The following TEX15 variants were observed in gnomAD, a reference collection of about 807,000 sequenced individuals.
TEX15 encodes testis expressed 15, meiosis and synapsis associated.
In TEX15, 171 loss-of-function variants were observed where a neutral mutation model predicts 237.3. The ratio of observed to expected loss-of-function variants is 0.72; its 90% CI spans 0.64 to 0.82. TEX15 has a LOEUF of 0.82. Ranked by LOEUF, TEX15 falls within the 40% of genes least tolerant of loss-of-function variation. The probability of loss-of-function intolerance (pLI) is 0.00; values close to 1 mark genes in which losing one functional copy is unlikely to be tolerated. For missense variants in TEX15, 3,750 were observed against 3,646.5 expected (o/e 1.03, Z -0.73); for synonymous variants, 1,338 against 1,269.8 (o/e 1.05, Z -1.14).
At position 30,843,782 on chromosome 8, in the gene TEX15, C is replaced by T; in HGVS notation, c.6385G>A (p.Gly2129Ser). 1.2e-6 allele frequency: 2 copies of T among 1,613,450 alleles called. No individual in the cohort carries two copies. Among genetic ancestry groups the T allele is most frequent in the South Asian group, 2.2e-5 (2 of 90,996 alleles). ...TTATATTTTAATCTTCCTTGGAAACCAGGATAGAAATTAGACTGCTGTTGA... is the reference window on the plus strand; with the variant it reads ...TTATATTTTAATCTTCCTTGGAAACTAGGATAGAAATTAGACTGCTGTTGA... ...GFQQQSNFYP[G>S]FQGRLKYNAF... Residue 2129 changes from glycine to serine, a missense_variant, in exon 8 of 11, where the codon GGT (glycine) becomes AGT (serine). By Grantham distance (56) the Gly-to-Ser change is moderately conservative (BLOSUM62 0). Coordinates refer to ENST00000643185, the MANE Select transcript of TEX15 (RefSeq NM_001350162.2).
At position 30,832,459 on chromosome 8, in the gene TEX15, C is replaced by T. The variant is rs1188810912; in HGVS notation, c.*827G>A. On this transcript the variant is annotated 3_prime_UTR_variant, in exon 11 of 11. Coordinates refer to ENST00000643185, the MANE Select transcript of TEX15 (RefSeq NM_001350162.2). The stretch of plus-strand genomic sequence containing the variant: ...GCAGTTACATACTATATCCTGTTGC[C>T]CTATGATGATTATTACTAAGAGAGT... 6.6e-6 allele frequency: 1 copy of T among 152,058 alleles called. No individual in the cohort carries two copies. The highest frequency in any genetic ancestry group is 1.9e-4 in the East Asian group (1 of 5,188). 9.4% of individuals were successfully genotyped at this position (152,058 alleles called of 1,614,324 possible). A position where few individuals can be genotyped will look rare whatever the true frequency, so the allele number is the denominator to read the frequency against.
intron 5 of TEX15, among the ~76,000 whole-genome samples, chr8:30,864,033 G>C (rs1808105605): frequency 6.6e-6 from 1 of 151,908 alleles, no homozygotes. Flanking sequence ...TAAAATAACT[G>C]TCTTAAAGAT....
intron 7 of TEX15, among the ~76,000 whole-genome samples, chr8:30,856,673 T>C (rs540861975): frequency 6.6e-6 from 1 of 152,080 alleles, no homozygotes; most frequent in South Asian, 2.1e-4. Flanking sequence ...TGACATACAA[T>C]AGAAAATAAA....
intron 3 of TEX15, among the ~76,000 whole-genome samples, chr8:30,885,243 C>G (rs1263813692): frequency 6.6e-6 from 1 of 152,088 alleles, no homozygotes; most frequent in Non-Finnish European, 1.5e-5. Flanking sequence ...CACCTTGTAT[C>G]TCCCATAATT....
At chr8:30,882,155 C>A (rs1400145642) in intron 3 of TEX15, among the ~76,000 whole-genome samples, 1 of 152,216 alleles carries the variant, frequency 6.6e-6, no homozygotes, top group Non-Finnish European at 1.5e-5. Context: ...TAAGGTCTCA[C>A]TATGTTTCCC....
intron 1 of TEX15, among the ~76,000 whole-genome samples, chr8:30,907,941 A>G (rs1321246456): frequency 1.3e-5 from 2 of 151,806 alleles, no homozygotes; most frequent in Non-Finnish European, 2.9e-5. Flanking sequence ...GAATTCTATA[A>G]AAGAATTCAT....
At chr8:30,889,956 T>C (rs960628268) in intron 2 of TEX15, among the ~76,000 whole-genome samples, 37 of 133,894 alleles carry the variant, frequency 2.8e-4, no homozygotes, top group African/African-American at 7.7e-4. Flanking sequence ...TATATATACA[T>C]ATATATATAT....
intron 1 of TEX15, among the ~76,000 whole-genome samples, chr8:30,910,903 G>A (rs1809202105): frequency 6.6e-6 from 1 of 151,900 alleles, no homozygotes; most frequent in Admixed American, 6.6e-5. Context: ...TTAATTAAAG[G>A]CCTTTAAGAA....
At position 30,837,701 on chromosome 8, in the gene TEX15, C is replaced by T; in HGVS notation, c.8583G>A (p.Gln2861=). 1.2e-6 allele frequency: 2 copies of T among 1,613,960 alleles called. No individual in the cohort carries two copies. The highest frequency in any genetic ancestry group is 1.7e-5 in the Admixed American group (1 of 59,976). ...GATCTGGGGAATTTTTAAGAAATTT[C>T]TGCAAAAGCGTCCCATGGTCTGGTG... ...TFSPDHGTLL[Q]KFLKNSPDPT... is the part of the protein sequence containing the mutation. The change falls in exon 10 of 11, where the codon CAG becomes CAA. Residue 2861 remains glutamine (Q), a synonymous_variant. Transcript: ENST00000643185.
intron 8 of TEX15, 63 bp downstream of exon 8, chr8:30,841,941 C>T: frequency 2.5e-6 from 3 of 1,210,022 alleles, no homozygotes; most frequent in African/African-American, 1.5e-5. Flanking sequence ...TACTTGTTTG[C>T]TTATGAGTAG....
chr8:30,894,262 AGTGAGCTATGACT>A (rs1808850665), intron 2 of TEX15, among the ~76,000 whole-genome samples: 1 of 152,164 alleles, frequency 6.6e-6, no homozygotes, highest in Admixed American at 6.5e-5. Flanking sequence ...TCAAAGCTGT[AGTGAGCTATGACT>A]GTACTCCAGC....
At chr8:30,863,400 A>C (rs1033918196) in intron 5 of TEX15, among the ~76,000 whole-genome samples, 6 of 152,226 alleles carry the variant, frequency 3.9e-5, no homozygotes, top group African/African-American at 1.2e-4. Flanking sequence ...GCAGCTGTAC[A>C]GTGTTCCTGG....
intron 1 of TEX15, among the ~76,000 whole-genome samples, chr8:30,912,380 A>AT (rs1250847030): frequency 7.0e-6 from 1 of 143,532 alleles, no homozygotes; most frequent in Non-Finnish European, 1.5e-5. Flanking sequence ...CACCACGAAG[A>AT]TCCCCACGCG....
chr8:30,864,466 A>G (rs1473480065), intron 5 of TEX15, among the ~76,000 whole-genome samples: 1 of 151,800 alleles, frequency 6.6e-6, no homozygotes, highest in Non-Finnish European at 1.5e-5. Context: ...TCTAAAAAAT[A>G]GGTAGGAGGA....
intron 1 of TEX15, among the ~76,000 whole-genome samples, chr8:30,906,597 A>G (rs966218333): frequency 6.0e-5 from 9 of 149,194 alleles, no homozygotes; most frequent in Non-Finnish European, 1.3e-4. Context: ...CTCAAAAGAA[A>G]AAAAAAAAAA....
In TEX15 at chr8:30,859,946, T is replaced by C. The variant is rs2128770500; in HGVS notation, c.652A>G (p.Lys218Glu). The C allele has an allele frequency of 6.6e-7, 1 of 1,507,850 alleles. No homozygotes were observed. Among genetic ancestry groups the C allele is most frequent in the East Asian group, 2.5e-5 (1 of 40,256 alleles). The allele number at this position is 1,507,850 out of a possible 1,614,324, so 93.4% of individuals were successfully genotyped here. The change falls in exon 6 of 11, where the codon AAA becomes GAA. Residue 218 changes from lysine (K) to glutamate (E), a missense_variant. By Grantham distance (56) the Lys-to-Glu change is moderately conservative (BLOSUM62 1). Coordinates refer to ENST00000643185, the MANE Select transcript of TEX15 (RefSeq NM_001350162.2). ...TAGGCTTGCAGTTCAATGGTATCTT[T>C]CAAAGAAGGTGCATTTCTTGACATA... ...CHMSRNAPSL[K>E]DTIELQAYSS...
rs1276741149 is a variant in TEX15 at position 30,845,687 on chromosome 8, T to C, written c.4480A>G (p.Ser1494Gly). 4 of 1,613,636 alleles carry C rather than the reference T, an allele frequency of 2.5e-6. No individual in the cohort carries two copies. In the South Asian group the frequency reaches 4.4e-5, roughly 18 times the overall value. ...GTGGGGTGACTTTTTGAGACACTGC[T>C]AGCCATACTTTTCCTAGAAAGGCAT... ...KKCLSRKSMASSVSKSHPTTS... is the reference protein window; with the variant it reads ...KKCLSRKSMAGSVSKSHPTTS... The change falls in exon 8 of 11, where the codon AGC (serine) becomes GGC (glycine). Residue 1494 changes from serine to glycine, a missense_variant. By Grantham distance (56) the Ser-to-Gly change is moderately conservative. Coordinates refer to ENST00000643185, the MANE Select transcript of TEX15 (RefSeq NM_001350162.2).
chr8:30,848,912 T>C lies in TEX15; in HGVS notation c.1255A>G (p.Asn419Asp). ...GTAGTGACTGTGCTTGAGCCAGTAT[T>C]GTTGTGAAGAGGAAAAGAAGCATTA... ...GLNASFPLHN[N>D]TGSSTVTTSK... Residue 419 changes from asparagine to aspartate, a missense_variant, in exon 8 of 11, where the codon AAT becomes GAT. Asn to Asp is a conservative substitution (Grantham distance 23). Coordinates refer to ENST00000643185, the MANE Select transcript of TEX15 (RefSeq NM_001350162.2). 6.2e-7 allele frequency: 1 copy of C among 1,614,192 alleles called. No individual in the cohort carries two copies. Among genetic ancestry groups the C allele is most frequent in the African/African-American group, 1.3e-5 (1 of 75,046 alleles).
chr8:30,886,542 G>C (rs2128775882), intron 3 of TEX15, among the ~76,000 whole-genome samples: 1 of 152,294 alleles, frequency 6.6e-6, no homozygotes, highest in East Asian at 1.9e-4. Flanking sequence ...AGAAGGGAAT[G>C]CATTATTGCT....
Sources: allele counts gnomAD v4.1 joint callset (sites outside exome capture counted in the v4.1 genomes callset), GRCh38; gene constraint gnomAD v4.1.1; transcripts MANE v1.5; gene names NCBI Gene and HGNC (gene_info 2026-07-23, HGNC 2026-07-21).